Variants in GABARAPL2 observed in about 807,000 individuals in gnomAD.
GABARAPL2 encodes the protein GABA type A receptor associated protein like 2.
GABARAPL2 carries 11 observed loss-of-function variants against 16.9 expected under a neutral mutation model. The ratio of observed to expected loss-of-function variants is 0.65; its 90% CI spans 0.41 to 1.08. The LOEUF (loss-of-function observed/expected upper bound fraction) is 1.08. Among genes scored for constraint, GABARAPL2 ranks in the 50% least tolerant of loss-of-function variants. The pLI, the probability that GABARAPL2 is intolerant of heterozygous loss-of-function variation, is 0.00. For missense variants in GABARAPL2, 134 were observed against 142.5 expected, an observed-to-expected ratio of 0.94 and a Z score of 0.30; for synonymous variants, 57 against 50.7, an observed-to-expected ratio of 1.12 and a Z score of -0.53.
intron 3 of GABARAPL2, among the ~76,000 whole-genome samples, chr16:75,574,906 A>G (rs2080939036): frequency 6.6e-6 from 1 of 151,980 alleles, no homozygotes; most frequent in Admixed American, 6.6e-5. Context: ...GGTGGCATGC[A>G]CCTGTAATCC....
chr16:75,577,279 C>G lies in GABARAPL2; in HGVS notation c.264C>G (p.Ser88Arg). The G allele has an allele frequency of 1.3e-6, 2 of 1,596,196 alleles. No homozygotes were observed. The highest frequency in any genetic ancestry group is 1.7e-6 in the Non-Finnish European group (2 of 1,163,676). ...GACGTTTTTGTTTTTCTCTTTCAAG[C>G]CTAACTATGGGACAGCTTTACGAGA... Reference protein sequence around the residue: ...LFVDKTVPQSSLTMGQLYEKE... With the variant: ...LFVDKTVPQSRLTMGQLYEKE... The change falls in exon 4 of 4, where the codon AGC (serine) becomes AGG (arginine). Residue 88 changes from serine to arginine, a missense_variant and splice_region_variant. Transcript: ENST00000037243.
chr16:75,568,032 C>A lies in GABARAPL2; in HGVS notation c.91-5C>A. On this transcript the variant is annotated splice_region_variant and splice_polypyrimidine_tract_variant and intron_variant, in intron 2 of 3. Transcript: ENST00000037243. ...CACAGTCCTGACCTCTCTTTACTTTCCCAGGTGATTGTGGAAAAGGTCTCA... is the reference window on the plus strand; with the variant it reads ...CACAGTCCTGACCTCTCTTTACTTTACCAGGTGATTGTGGAAAAGGTCTCA... 6.3e-7 allele frequency: 1 copy of A among 1,597,188 alleles called. No individual in the cohort carries two copies.
chr16:75,570,739 C>T (rs556845620), intron 3 of GABARAPL2, among the ~76,000 whole-genome samples: 2 of 152,150 alleles, frequency 1.3e-5, no homozygotes, highest in Non-Finnish European at 2.9e-5. Context: ...AGGCAAGTCC[C>T]TAAGTTTTAC....
intron 2 of GABARAPL2, among the ~76,000 whole-genome samples, chr16:75,567,478 AT>A (rs1205214371): frequency 6.6e-6 from 1 of 152,192 alleles, no homozygotes; most frequent in African/African-American, 2.4e-5. Flanking sequence ...TTAATTTTTA[AT>A]GGACATTAAG....
intron 3 of GABARAPL2, among the ~76,000 whole-genome samples, chr16:75,568,730 TA>T (rs2080898212): frequency 6.6e-6 from 1 of 152,248 alleles, no homozygotes; most frequent in Non-Finnish European, 1.5e-5. Context: ...TTTACAGACT[TA>T]TACCTCCCTT....
At chr16:75,571,384 T>G (rs189231715) in intron 3 of GABARAPL2, among the ~76,000 whole-genome samples, 106 of 152,326 alleles carry the variant, frequency 7.0e-4, no homozygotes, top group African/African-American at 2.5e-3. Context: ...TAAAAGGAAG[T>G]TGTGATGTTT....
At chr16:75,570,169 C>T (rs988205646) in intron 3 of GABARAPL2, among the ~76,000 whole-genome samples, 2 of 152,078 alleles carry the variant, frequency 1.3e-5, no homozygotes, top group African/African-American at 4.8e-5. Flanking sequence ...AATCTGAGCT[C>T]ACTACAATCT....
chr16:75,566,926 C>G lies in GABARAPL2; in HGVS notation c.90+19C>G. ...GGTTCCGGTGAGTGGACTCTCCGCC[C>G]CCTCACCTCGCTGTCACCTCTGTCG... On this transcript the variant is annotated intron_variant, in intron 2 of 3. Coordinates refer to ENST00000037243, the MANE Select transcript of GABARAPL2 (RefSeq NM_007285.7). 4 of 1,601,908 alleles carry G rather than the reference C, an allele frequency of 2.5e-6. No individual in the cohort carries two copies. The highest frequency in any genetic ancestry group is 2.2e-5 in the East Asian group (1 of 44,820).
chr16:75,571,974 G>A (rs1436258781), intron 3 of GABARAPL2, among the ~76,000 whole-genome samples: 2 of 152,008 alleles, frequency 1.3e-5, no homozygotes, highest in Non-Finnish European at 2.9e-5. Flanking sequence ...CACTGCTCCC[G>A]GCCTAGTTGT....
Position 75,566,623 on chromosome 16 carries a change from C to G in GABARAPL2, c.34+103C>G, listed in dbSNP as rs771052042. ...GGCCGAGTGGAGCGGGGCGGATGCC[C>G]TGCTGCGGGCTGGAGTCGCCCATGC... On this transcript the variant is annotated intron_variant, in intron 1 of 3. Coordinates refer to ENST00000037243, the MANE Select transcript of GABARAPL2 (RefSeq NM_007285.7). The G allele has an allele frequency of 4.2e-4, 558 of 1,329,242 alleles. 2 individuals carry two copies. In the Middle Eastern group the frequency reaches 8.8e-3, roughly 21 times the overall value. The allele number at this position is 1,329,242 out of a possible 1,614,324, so 82.3% of individuals were successfully genotyped here.
At chr16:75,574,707 C>G (rs914208798) in intron 3 of GABARAPL2, among the ~76,000 whole-genome samples, 16 of 152,072 alleles carry the variant, frequency 1.1e-4, no homozygotes, top group South Asian at 2.1e-4. Context: ...CCTTCTCCCC[C>G]CCAACAAAAG....
In GABARAPL2 at chr16:75,568,181, T is replaced by C; in HGVS notation, c.235T>C (p.Phe79Leu). Residue 79 changes from phenylalanine (F) to leucine (L), a missense_variant, in exon 3 of 4, where the codon TTT becomes CTT. Physicochemically the swap from Phe to Leu is conservative, Grantham distance 22. Coordinates refer to ENST00000037243, the MANE Select transcript of GABARAPL2 (RefSeq NM_007285.7). Reference sequence around the variant, plus strand: ...TCCTTCTGAAAAGGCGATCTTCCTGTTTGTGGATAAGACAGTCCCACAGTC... The same window carrying C: ...TCCTTCTGAAAAGGCGATCTTCCTGCTTGTGGATAAGACAGTCCCACAGTC... The part of the protein sequence containing the change: ...QLPSEKAIFL[F>L]VDKTVPQSSL... 1.9e-6 allele frequency: 3 copies of C among 1,612,862 alleles called. No individual in the cohort carries two copies. Among genetic ancestry groups the C allele is most frequent in the Non-Finnish European group, 2.5e-6 (3 of 1,178,878 alleles).
intron 3 of GABARAPL2, 55 bp from the exon 4 acceptor site, chr16:75,577,224 T>C (rs1469219307): frequency 9.2e-7 from 1 of 1,084,028 alleles, no homozygotes; most frequent in Non-Finnish European, 1.4e-6. Flanking sequence ...CCATCCTTTT[T>C]CTCCTGAAAC....
intron 3 of GABARAPL2, among the ~76,000 whole-genome samples, chr16:75,573,286 CTGTT>C (rs1166457765): frequency 1.3e-5 from 2 of 152,152 alleles, no homozygotes; most frequent in Non-Finnish European, 2.9e-5. Flanking sequence ...TTTTTTAAGT[CTGTT>C]TGTGGCCCAG....
chr16:75,571,877 A>G (rs1024746871), intron 3 of GABARAPL2, among the ~76,000 whole-genome samples: 1 of 151,678 alleles, frequency 6.6e-6, no homozygotes, highest in Non-Finnish European at 1.5e-5. Flanking sequence ...GGGTTTTACC[A>G]TGTTGGCCAG....
At chr16:75,576,219 A>T (rs1489482412) in intron 3 of GABARAPL2, 1 of 152,194 alleles carries the variant, frequency 6.6e-6, no homozygotes, top group Non-Finnish European at 1.5e-5. Context: ...CCACACAGCC[A>T]TCCGAGCTAA....
intron 3 of GABARAPL2, chr16:75,576,875 C>T (rs184943592): frequency 4.2e-4 from 69 of 163,570 alleles, no homozygotes; most frequent in East Asian, 1.9e-3. Flanking sequence ...TGGGGCACAG[C>T]GGTTTAGCTG....
At position 75,566,894 on chromosome 16, in the gene GABARAPL2, C is replaced by G. The variant is rs772226891; in HGVS notation, c.77C>G (p.Pro26Arg). ...TCCGCGAAGATTCGAGCGAAATATCCCGACAGGGTTCCGGTGAGTGGACTC... is the reference window on the plus strand; with the variant it reads ...TCCGCGAAGATTCGAGCGAAATATCGCGACAGGGTTCCGGTGAGTGGACTC... ...VESAKIRAKY[P>R]DRVPVIVEKV... Residue 26 changes from proline to arginine, a missense_variant, in exon 2 of 4, where the codon CCC (proline) becomes CGC (arginine). Transcript: ENST00000037243. 1.2e-6 allele frequency: 2 copies of G among 1,613,444 alleles called. No homozygotes were observed. The highest frequency in any genetic ancestry group is 1.7e-6 in the Non-Finnish European group (2 of 1,179,720).
chr16:75,566,743 C>A, intron 1 of GABARAPL2, 109 bp from the exon 2 acceptor site: 1 of 1,163,596 alleles, frequency 8.6e-7, no homozygotes, highest in Non-Finnish European at 1.3e-6. Flanking sequence ...CCCGGGGACG[C>A]CGGAACCAGG....
Sources: allele counts gnomAD v4.1 joint callset (sites outside exome capture counted in the v4.1 genomes callset), GRCh38; gene constraint gnomAD v4.1.1; transcripts MANE v1.5; gene names NCBI Gene and HGNC (gene_info 2026-07-23, HGNC 2026-07-21).